The following KCNK10 variants were observed in gnomAD, a reference collection of about 807,000 sequenced individuals.
KCNK10 encodes potassium two pore domain channel subfamily K member 10.
Under a neutral mutation model 47.7 loss-of-function variants are expected in KCNK10, and 25 were observed. The observed-to-expected ratio is 0.52, with a 90% CI of 0.38 to 0.73. The LOEUF is 0.73. KCNK10 is among the 30% of genes least tolerant of loss of function. KCNK10 has a pLI of 0.00. For missense variants in KCNK10, 563 were observed against 714.5 expected (o/e 0.79, Z 2.42); for synonymous variants, 303 against 285.6 (o/e 1.06, Z -0.61).
intron 1 of KCNK10, among the ~76,000 whole-genome samples, chr14:88,311,390 A>C (rs927708336): frequency 6.6e-6 from 1 of 152,164 alleles, no homozygotes; most frequent in African/African-American, 2.4e-5. Flanking sequence ...TGACCTGAGC[A>C]TCACCCACCT....
chr14:88,287,190 C>T (rs1288084754), intron 1 of KCNK10, among the ~76,000 whole-genome samples: 1 of 152,216 alleles, frequency 6.6e-6, no homozygotes, highest in African/African-American at 2.4e-5. Context: ...ACACTAGATG[C>T]TTCTCAAGCC....
intron 1 of KCNK10, among the ~76,000 whole-genome samples, chr14:88,281,649 C>T (rs563232265): frequency 5.3e-5 from 8 of 151,798 alleles, no homozygotes; most frequent in African/African-American, 1.7e-4. Flanking sequence ...AGCTTGCTGA[C>T]TCACCTGCAG....
At chr14:88,222,332 T>C (rs1312826268) in intron 4 of KCNK10, among the ~76,000 whole-genome samples, 1 of 152,120 alleles carries the variant, frequency 6.6e-6, no homozygotes, top group Admixed American at 6.5e-5. Flanking sequence ...CAAACCATAT[T>C]AATGACATTC....
chr14:88,240,863 G>GT, intron 2 of KCNK10, 43 bp from the exon 3 acceptor site: 2 of 1,119,888 alleles, frequency 1.8e-6, no homozygotes, highest in Non-Finnish European at 2.5e-6. Flanking sequence ...TTTAAAAGTT[G>GT]TTTATTTTTT....
At chr14:88,264,538 C>G (rs1887203742) in intron 1 of KCNK10, among the ~76,000 whole-genome samples, 1 of 152,196 alleles carries the variant, frequency 6.6e-6, no homozygotes, top group Admixed American at 6.5e-5. Flanking sequence ...TGCTCAATCA[C>G]TGTTGGAAAA....
chr14:88,228,230 A>G (rs1258057205), intron 3 of KCNK10, among the ~76,000 whole-genome samples: 1 of 152,152 alleles, frequency 6.6e-6, no homozygotes, highest in African/African-American at 2.4e-5. Context: ...TAAGATGCTA[A>G]AAGTTTATTG....
intron 3 of KCNK10, among the ~76,000 whole-genome samples, chr14:88,237,099 A>G (rs1245832912): frequency 6.6e-6 from 1 of 152,226 alleles, no homozygotes; most frequent in Admixed American, 6.5e-5. Context: ...TGCTTTATCA[A>G]CTAAGTTGAT....
At position 88,268,879 on chromosome 14, in the gene KCNK10, T is replaced by G. The variant is rs368812888; in HGVS notation, c.53-5328A>C. Among the ~76,000 whole-genome samples the G allele has an allele frequency of 2.5e-4, 38 of 152,346 alleles. 1 individual carries two copies. In the East Asian group the frequency reaches 6.4e-3, roughly 26 times the overall value. On this transcript the variant is annotated intron_variant, in intron 1 of 6. Coordinates refer to ENST00000319231, the MANE Select transcript of KCNK10 (RefSeq NM_138317.3). ...AAATGTTTCCTCAAGAATATCTGCA[T>G]GGCTGGGCGCAGTGGCTCACACCTG...
intron 4 of KCNK10, among the ~76,000 whole-genome samples, chr14:88,227,079 T>C (rs1028146642): frequency 5.3e-5 from 8 of 152,358 alleles, no homozygotes; most frequent in African/African-American, 4.8e-5. Flanking sequence ...ATCTTCCATC[T>C]TGAAGGAGAA....
Position 88,322,619 on chromosome 14 carries a change from A to G in KCNK10, c.52+128T>C. 7.8e-7 allele frequency: 1 copy of G among 1,278,156 alleles called. No homozygotes were observed. The highest frequency in any genetic ancestry group is 1.5e-5 in the African/African-American group (1 of 67,600). The allele number at this position is 1,278,156 out of a possible 1,614,324, so 79.2% of individuals were successfully genotyped here. ...TCCGCCCTCCTCCCACCCGCGCTGC[A>G]GTTCCCAGGCGCATTTCCCAGCCTC... is the stretch of plus-strand genomic sequence containing the variant. On this transcript the variant is annotated intron_variant, in intron 1 of 6. Coordinates refer to ENST00000319231, the MANE Select transcript of KCNK10 (RefSeq NM_138317.3). This position sits in a 1 kb window ranked among gnomAD's most constrained non-coding sequence, Gnocchi z 4.8.
intron 2 of KCNK10, among the ~76,000 whole-genome samples, chr14:88,244,614 G>A (rs2139895209): frequency 6.6e-6 from 1 of 152,162 alleles, no homozygotes; most frequent in Non-Finnish European, 1.5e-5. Context: ...CTTGCAGTGA[G>A]CCGAGATCGC....
intron 1 of KCNK10, among the ~76,000 whole-genome samples, chr14:88,304,154 AAAAT>A (rs111634192): frequency 6.6e-6 from 1 of 152,060 alleles, no homozygotes; most frequent in Admixed American, 6.6e-5. Context: ...TCTCCACAAA[AAAAT>A]AAATAAATTA....
At chr14:88,298,521 C>T (rs979796784) in intron 1 of KCNK10, among the ~76,000 whole-genome samples, 2 of 152,184 alleles carry the variant, frequency 1.3e-5, no homozygotes, top group African/African-American at 2.4e-5. Flanking sequence ...CTCGTAATTT[C>T]GGAGAAATGA....
At chr14:88,313,893 T>G in intron 1 of KCNK10, among the ~76,000 whole-genome samples, 1 of 152,228 alleles carries the variant, frequency 6.6e-6, no homozygotes, top group East Asian at 1.9e-4. Context: ...CAAACTGACT[T>G]TACCATGACA....
chr14:88,203,443 T>C (rs56368271), intron 4 of KCNK10, among the ~76,000 whole-genome samples: 71,697 of 152,044 alleles, frequency 0.47, 17,425 homozygotes, highest in Non-Finnish European at 0.54. Flanking sequence ...TGGCTTCAGC[T>C]GCCTCGAGGC....
chr14:88,287,705 G>A (rs1887795421), intron 1 of KCNK10, among the ~76,000 whole-genome samples: 1 of 110,816 alleles, frequency 9.0e-6, no homozygotes, highest in African/African-American at 2.8e-5. Context: ...GTGTGTGTGT[G>A]TGTGTGTGTG....
At chr14:88,289,792 C>T (rs1887839763) in intron 1 of KCNK10, among the ~76,000 whole-genome samples, 2 of 152,166 alleles carry the variant, frequency 1.3e-5, no homozygotes, top group South Asian at 4.1e-4. Flanking sequence ...TATACCTTTC[C>T]CTTAGTGCCA....
chr14:88,283,707 C>T (rs1274039455), intron 1 of KCNK10, among the ~76,000 whole-genome samples: 5 of 152,146 alleles, frequency 3.3e-5, no homozygotes, highest in African/African-American at 7.2e-5. Flanking sequence ...GTCAAGAGAT[C>T]GAGACCATCC....
At chr14:88,277,629 A>C (rs1046929559) in intron 1 of KCNK10, among the ~76,000 whole-genome samples, 4 of 152,196 alleles carry the variant, frequency 2.6e-5, no homozygotes, top group Non-Finnish European at 5.9e-5. Context: ...GAATCAACAG[A>C]CTTACTTAAA....
Sources: gnomAD v4.1 joint callset for allele counts (sites outside exome capture counted in the v4.1 genomes callset) on GRCh38, gnomAD v4.1.1 for gene constraint, Gnocchi (gnomAD v3.1) non-coding constraint, MANE v1.5 for transcripts, NCBI Gene and HGNC (gene_info 2026-07-23, HGNC 2026-07-21) for gene names.